Variants in NHS observed in about 807,000 individuals in gnomAD.
NHS encodes actin remodeling regulator NHS.
NHS carries 5 observed loss-of-function variants against 72.5 expected under a neutral mutation model. That is an observed-to-expected ratio of 0.07 (90% CI 0.04 to 0.14). NHS has a LOEUF of 0.14. Among genes scored for constraint, NHS ranks in the 10% least tolerant of loss-of-function variants. The pLI is 1.00. For synonymous variants in NHS, 464 were observed against 547.7 expected, an observed-to-expected ratio of 0.85 and a Z score of 2.13; for missense variants, 1,072 against 1,355.7, an observed-to-expected ratio of 0.79 and a Z score of 3.29.
At chrX:17,589,981 T>C (rs1386093928) in intron 1 of NHS, among the ~76,000 whole-genome samples, 3 of 112,420 alleles carry the variant, frequency 2.7e-5, no homozygotes, top group Non-Finnish European at 5.6e-5. Flanking sequence ...TTTGTATATC[T>C]TCTTTTGAGA....
intron 1 of NHS, among the ~76,000 whole-genome samples, chrX:17,541,477 C>CA (rs1327662896): frequency 2.7e-5 from 3 of 111,878 alleles, no homozygotes; most frequent in African/African-American, 9.8e-5. Flanking sequence ...AGTGGTGATA[C>CA]AGCCCACTCT....
intron 1 of NHS, among the ~76,000 whole-genome samples, chrX:17,683,006 T>G (rs1277057573): frequency 1.8e-5 from 2 of 111,696 alleles, no homozygotes; most frequent in African/African-American, 6.5e-5. Flanking sequence ...TTCCTTAATG[T>G]CTAAGTTAGC....
chrX:17,632,737 G>A (rs970749951), intron 1 of NHS, among the ~76,000 whole-genome samples: 1 of 112,178 alleles, frequency 8.9e-6, no homozygotes, highest in Non-Finnish European at 1.9e-5. Flanking sequence ...AAAGATTAAA[G>A]ATGTTACTGT....
At chrX:17,632,857 C>T (rs1234859159) in intron 1 of NHS, among the ~76,000 whole-genome samples, 2 of 111,744 alleles carry the variant, frequency 1.8e-5, no homozygotes, top group Non-Finnish European at 3.8e-5. Flanking sequence ...TTATTATATT[C>T]CCCTAATGAG....
At chrX:17,571,669 A>G (rs1217761220) in intron 1 of NHS, among the ~76,000 whole-genome samples, 2 of 111,617 alleles carry the variant, frequency 1.8e-5, no homozygotes, top group Non-Finnish European at 3.8e-5. Flanking sequence ...TATCTCCTTC[A>G]GTTCTGCTCT....
intron 1 of NHS, among the ~76,000 whole-genome samples, chrX:17,436,135 T>TTTG (rs1322818433): frequency 1.2e-4 from 13 of 112,112 alleles, no homozygotes; most frequent in Non-Finnish European, 2.3e-4. Flanking sequence ...TGTGTGTTTT[T>TTTG]TTGTTGTTGT....
At chrX:17,504,775 G>A (rs2065049337) in intron 1 of NHS, among the ~76,000 whole-genome samples, 1 of 111,657 alleles carries the variant, frequency 9.0e-6, no homozygotes, top group Non-Finnish European at 1.9e-5. Flanking sequence ...ATGCCCACTT[G>A]CAAAAAGGGT....
chrX:17,390,236 A>T (rs1042723449), intron 1 of NHS, among the ~76,000 whole-genome samples: 2 of 112,582 alleles, frequency 1.8e-5, no homozygotes, highest in African/African-American at 6.5e-5. Flanking sequence ...TCTAATGTTC[A>T]TTAGAATATA....
At chrX:17,631,524 T>C (rs768335171) in intron 1 of NHS, among the ~76,000 whole-genome samples, 24 of 111,781 alleles carry the variant, frequency 2.1e-4, no homozygotes, top group Non-Finnish European at 4.3e-4. Flanking sequence ...ATTCTAGGGA[T>C]TTTTAAGCAA....
intron 1 of NHS, among the ~76,000 whole-genome samples, chrX:17,556,028 C>T (rs945548755): frequency 3.6e-5 from 4 of 112,483 alleles, no homozygotes; most frequent in Admixed American, 1.9e-4. Context: ...GAAGAGCAGA[C>T]GGGTTTGGAT....
intron 1 of NHS, among the ~76,000 whole-genome samples, chrX:17,427,832 A>T (rs1325909305): frequency 8.9e-6 from 1 of 112,415 alleles, no homozygotes; most frequent in Non-Finnish European, 1.9e-5. Context: ...TTTACATTTG[A>T]TATCTGAATT....
chrX:17,714,149 CTT>C (rs745730534), intron 3 of NHS, among the ~76,000 whole-genome samples: 5 of 98,427 alleles, frequency 5.1e-5, no homozygotes, highest in Admixed American at 1.1e-4. Flanking sequence ...GGAAATTACT[CTT>C]TTTTTTTTTT....
intron 1 of NHS, among the ~76,000 whole-genome samples, chrX:17,568,461 A>G (rs2065456740): frequency 9.0e-6 from 1 of 111,377 alleles, no homozygotes; most frequent in Non-Finnish European, 1.9e-5. Context: ...ATGGCATAAT[A>G]ATAGCCAATA....
At position 17,650,598 on chromosome X, in the gene NHS, C is replaced by T. The variant is rs749846835; in HGVS notation, c.566-37144C>T. 8.9e-5 allele frequency among the ~76,000 whole-genome samples: 10 copies of T among 112,292 alleles called. No homozygotes were observed. In the East Asian group the frequency reaches 2.8e-3, roughly 31 times the overall value. On this transcript the variant is annotated intron_variant, in intron 1 of 8. Transcript: ENST00000676302. ...CCTCATGATGGGAAAGGACCACATT[C>T]CCACCTATCAGAATAATCCAAAGAC...
intron 1 of NHS, among the ~76,000 whole-genome samples, chrX:17,465,838 G>A (rs750344870): frequency 1.4e-4 from 16 of 112,432 alleles, no homozygotes; most frequent in Middle Eastern, 9.2e-3. Context: ...TACATCCATT[G>A]CCTGAAAGAG....
intron 3 of NHS, 54 bp from the exon 4 acceptor site, chrX:17,719,290 C>T (rs1007586162): frequency 3.8e-6 from 4 of 1,060,316 alleles, no homozygotes; most frequent in African/African-American, 1.8e-5. Context: ...CCAGTATACA[C>T]TGTGTTGTGT....
chrX:17,550,954 A>G (rs1399010566), intron 1 of NHS, among the ~76,000 whole-genome samples: 1 of 110,376 alleles, frequency 9.1e-6, no homozygotes, highest in East Asian at 2.9e-4. Context: ...CCTAGAACAC[A>G]CCAAGCCCAT....
intron 1 of NHS, among the ~76,000 whole-genome samples, chrX:17,506,784 G>T (rs1376642888): frequency 1.8e-5 from 2 of 111,015 alleles, no homozygotes; most frequent in Non-Finnish European, 3.8e-5. Flanking sequence ...TGCTAGAGAG[G>T]CTGGAAAGCT....
At chrX:17,390,212 G>T (rs2064436520) in intron 1 of NHS, among the ~76,000 whole-genome samples, 1 of 112,353 alleles carries the variant, frequency 8.9e-6, no homozygotes, top group African/African-American at 3.2e-5. Context: ...GAGGACAAAT[G>T]ACAGCCCATG....
Sources: allele counts gnomAD v4.1 joint callset (sites outside exome capture counted in the v4.1 genomes callset), GRCh38; gene constraint gnomAD v4.1.1; transcripts MANE v1.5; gene names NCBI Gene and HGNC (gene_info 2026-07-23, HGNC 2026-07-21).